Variants in NRP1 observed in about 807,000 individuals in gnomAD.
The protein encoded by NRP1 is neuropilin 1, also known as neuropilin-1.
In NRP1, 35 loss-of-function variants were observed where a neutral mutation model predicts 106.7. The ratio of observed to expected loss-of-function variants is 0.33; its 90% CI spans 0.25 to 0.43. NRP1 has a LOEUF of 0.43. Ranked by LOEUF, NRP1 falls within the 20% of genes least tolerant of loss-of-function variation. The pLI is 1.00. For missense variants in NRP1, 1,024 were observed against 1,170.4 expected, an observed-to-expected ratio of 0.87 and a Z score of 1.83; for synonymous variants, 437 against 417.9, an observed-to-expected ratio of 1.05 and a Z score of -0.56.
intron 15 of NRP1, among the ~76,000 whole-genome samples, chr10:33,184,296 G>T (rs548642128): frequency 6.6e-6 from 1 of 152,214 alleles, no homozygotes; most frequent in African/African-American, 2.4e-5. Context: ...GATGACAGAC[G>T]TGAGCCACTG....
intron 4 of NRP1, among the ~76,000 whole-genome samples, chr10:33,260,628 C>G (rs1032069937): frequency 6.6e-6 from 1 of 152,074 alleles, no homozygotes; most frequent in Non-Finnish European, 1.5e-5. Flanking sequence ...TGGTCTTAGC[C>G]CATATGTAAA....
chr10:33,272,000 T>C (rs1843340174), intron 2 of NRP1, among the ~76,000 whole-genome samples: 1 of 152,236 alleles, frequency 6.6e-6, no homozygotes. Context: ...TGGGATATAT[T>C]AATTTCAGGA....
intron 7 of NRP1, among the ~76,000 whole-genome samples, chr10:33,223,209 A>G (rs568688920): frequency 3.3e-5 from 5 of 152,284 alleles, no homozygotes; most frequent in African/African-American, 1.2e-4. Flanking sequence ...ATGAAGGTCT[A>G]TGGTTTCCCA....
intron 2 of NRP1, among the ~76,000 whole-genome samples, chr10:33,322,183 A>G (rs1358640342): frequency 6.6e-6 from 1 of 152,120 alleles, no homozygotes; most frequent in Non-Finnish European, 1.5e-5. Context: ...CACTGGACAC[A>G]GTGGTATCTA....
In NRP1 at chr10:33,219,404, A is replaced by C. The variant is rs372790425; in HGVS notation, c.1282+2315T>G. Among the ~76,000 whole-genome samples the C allele has an allele frequency of 1.1e-4, 16 of 152,284 alleles. 1 individual carries two copies. Among genetic ancestry groups the C allele is most frequent in the African/African-American group, 3.1e-4 (13 of 41,556 alleles). On this transcript the variant is annotated intron_variant, in intron 8 of 16. Coordinates refer to ENST00000374867, the MANE Select transcript of NRP1 (RefSeq NM_003873.7). ...TCGTAACGTGTTAGCCTCTCCAAAA[A>C]CCTGCTTCTGGCAATTATTTGGAGA...
intron 6 of NRP1, among the ~76,000 whole-genome samples, chr10:33,241,101 G>A (rs1379757439): frequency 1.3e-5 from 2 of 152,162 alleles, no homozygotes; most frequent in African/African-American, 2.4e-5. Flanking sequence ...CACAGCAGAT[G>A]TTTGGAACTG....
intron 2 of NRP1, among the ~76,000 whole-genome samples, chr10:33,300,394 G>A (rs944306222): frequency 1.6e-4 from 24 of 152,166 alleles, no homozygotes; most frequent in African/African-American, 5.8e-4. Flanking sequence ...CATCAGGTGG[G>A]AGCTCTAAGG....
At chr10:33,324,648 T>C (rs1010841526) in intron 2 of NRP1, among the ~76,000 whole-genome samples, 1 of 151,924 alleles carries the variant, frequency 6.6e-6, no homozygotes, top group Non-Finnish European at 1.5e-5. Flanking sequence ...CAGGCTTCTT[T>C]TTTTTGAGAC....
chr10:33,256,271 A>T, intron 5 of NRP1, 45 bp downstream of exon 5: 1 of 1,593,734 alleles, frequency 6.3e-7, no homozygotes, highest in East Asian at 2.2e-5. Flanking sequence ...CAGGAATAAC[A>T]TTGAGTATTT....
intron 2 of NRP1, among the ~76,000 whole-genome samples, chr10:33,308,782 C>A (rs968137112): frequency 6.6e-6 from 1 of 152,018 alleles, no homozygotes; most frequent in Non-Finnish European, 1.5e-5. Flanking sequence ...AGCCACCATG[C>A]CTGGCCTCAA....
chr10:33,219,816 T>A (rs1485992563), intron 8 of NRP1, among the ~76,000 whole-genome samples: 1 of 152,232 alleles, frequency 6.6e-6, no homozygotes, highest in African/African-American at 2.4e-5. Flanking sequence ...TTACCTCATT[T>A]TTTTTAAATA....
At position 33,237,487 on chromosome 10, in the gene NRP1, G is replaced by GCACACACACACA. The variant is rs111698441; in HGVS notation, c.982-11210_982-11199dup. On this transcript the variant is annotated intron_variant, in intron 6 of 16. Coordinates refer to ENST00000374867, the MANE Select transcript of NRP1 (RefSeq NM_003873.7). Reference sequence around the variant, plus strand: ...CGGCAGAAGAAACACACATGCGCGCGCACACACACACACACACACACACAC... The same window carrying GCACACACACACA: ...CGGCAGAAGAAACACACATGCGCGCGCACACACACACACACACACACACACACACACACACAC... 6.9e-5 allele frequency among the ~76,000 whole-genome samples: 10 copies of GCACACACACACA among 144,852 alleles called. 1 individual carries two copies. In the South Asian group the frequency reaches 2.2e-3, roughly 32 times the overall value.
chr10:33,226,364 C>T, intron 6 of NRP1, 75 bp from the exon 7 acceptor site: 2 of 1,534,932 alleles, frequency 1.3e-6, no homozygotes, highest in Non-Finnish European at 8.8e-7. Flanking sequence ...TTCCTGTGGG[C>T]TCCACGTTGT....
rs1196962374 is a variant in NRP1 at position 33,213,685 on chromosome 10, A to C, written c.1315T>G (p.Ser439Ala). The change falls in exon 9 of 17, where the codon TCT (serine) becomes GCT (alanine). Residue 439 changes from serine (S) to alanine (A), a missense_variant. Ser to Ala is a moderately conservative substitution (Grantham distance 99). Coordinates refer to ENST00000374867, the MANE Select transcript of NRP1 (RefSeq NM_003873.7). ...YPCSGMLGMV[S>A]GLISDSQITS... ...ATCTGGGAGTCAGAAATAAGTCCAGACACCATACCCAACATTCCAGAGCAA... is the reference window on the plus strand; with the variant it reads ...ATCTGGGAGTCAGAAATAAGTCCAGCCACCATACCCAACATTCCAGAGCAA... 4 of 1,609,478 alleles carry C rather than the reference A, an allele frequency of 2.5e-6. No individual in the cohort carries two copies. The highest frequency in any genetic ancestry group is 2.7e-5 in the African/African-American group (2 of 74,814).
intron 2 of NRP1, among the ~76,000 whole-genome samples, chr10:33,314,852 A>G (rs1846899747): frequency 6.6e-6 from 1 of 152,196 alleles, no homozygotes. Context: ...TCCCATGTTA[A>G]CTTCTCTAAT....
intron 1 of NRP1, among the ~76,000 whole-genome samples, chr10:33,331,619 C>T (rs1041515220): frequency 6.6e-6 from 1 of 152,192 alleles, no homozygotes; most frequent in African/African-American, 2.4e-5. Flanking sequence ...AAATAACCCA[C>T]CACACAGGTC....
chr10:33,328,171 TG>T (rs1589005238), intron 2 of NRP1, among the ~76,000 whole-genome samples: 1 of 152,118 alleles, frequency 6.6e-6, no homozygotes, highest in African/African-American at 2.4e-5. Context: ...TCATTTTCTG[TG>T]AATTACAATC....
intron 2 of NRP1, among the ~76,000 whole-genome samples, chr10:33,280,355 G>A (rs900045795): frequency 2.6e-5 from 4 of 152,164 alleles, no homozygotes; most frequent in Non-Finnish European, 5.9e-5. Flanking sequence ...ATCTTCTAGT[G>A]TCAGACTTGC....
At chr10:33,333,034 A>G (rs76064346) in intron 1 of NRP1, among the ~76,000 whole-genome samples, 4,050 of 152,324 alleles carry the variant, frequency 0.027, 100 homozygotes, top group Non-Finnish European at 0.043. Context: ...TATAATTTCT[A>G]GTCCAACCAT....
Sources: allele counts gnomAD v4.1 joint callset (sites outside exome capture counted in the v4.1 genomes callset), GRCh38; gene constraint gnomAD v4.1.1; transcripts MANE v1.5; gene names NCBI Gene and HGNC (gene_info 2026-07-23, HGNC 2026-07-21).